Variants in FBXL3 observed in about 807,000 individuals in gnomAD.
The protein encoded by FBXL3 is F-box/LRR-repeat protein 3.
In FBXL3, 14 loss-of-function variants were observed where a neutral mutation model predicts 37.9. The observed-to-expected ratio is 0.37, with a 90% CI of 0.24 to 0.58. The LOEUF (loss-of-function observed/expected upper bound fraction) is 0.58. FBXL3 is among the 20% of genes least tolerant of loss of function. The pLI, the probability that FBXL3 is intolerant of heterozygous loss-of-function variation, is 0.74. For missense variants in FBXL3, 327 were observed against 511.1 expected (o/e 0.64, Z 3.47); for synonymous variants, 194 against 180.1 (o/e 1.08, Z -0.62).
At chr13:77,014,216 A>G (rs1016877012) in intron 4 of FBXL3, 2 of 152,214 alleles carry the variant, frequency 1.3e-5, no homozygotes, top group African/African-American at 4.8e-5. Context: ...AACCACAAAC[A>G]AAGGTAACAA....
chr13:77,006,885 T>C lies in FBXL3; in HGVS notation c.*260A>G. 1 of 1,270,584 alleles carries C rather than the reference T, an allele frequency of 7.9e-7. No individual in the cohort carries two copies. Among genetic ancestry groups the C allele is most frequent in the Non-Finnish European group, 9.9e-7 (1 of 1,006,342 alleles). 78.7% of individuals were successfully genotyped at this position (1,270,584 alleles called of 1,614,324 possible). A position where few individuals can be genotyped will look rare whatever the true frequency, so the allele number is the denominator to read the frequency against. On this transcript the variant is annotated 3_prime_UTR_variant, in exon 5 of 5. Transcript: ENST00000355619. ...TTCCTTTAGACTGTAAACTGTTTAATACGTATAACTGGTTATTTCACATCC... is the reference window on the plus strand; with the variant it reads ...TTCCTTTAGACTGTAAACTGTTTAACACGTATAACTGGTTATTTCACATCC...
At chr13:77,024,596 T>C (rs2034804933) in intron 1 of FBXL3, among the ~76,000 whole-genome samples, 2 of 152,196 alleles carry the variant, frequency 1.3e-5, no homozygotes, top group South Asian at 4.1e-4. Context: ...GTCCTAAAAA[T>C]AGAAACTTTC....
Position 77,022,407 on chromosome 13 carries a change from ACTC to A in FBXL3, c.-1-549_-1-547del, listed in dbSNP as rs1476959746. Among the ~76,000 whole-genome samples the A allele has an allele frequency of 5.3e-5, 8 of 151,848 alleles. No homozygotes were observed. The East Asian group carries it at 1.4e-3, about 26-fold the overall frequency. On this transcript the variant is annotated intron_variant, in intron 1 of 4. Coordinates refer to ENST00000355619, the MANE Select transcript of FBXL3 (RefSeq NM_012158.4). ...GAAGTGAGCAAGCTTTACAGTCTGA[ACTC>A]CTCCTCCTGTCAGATCAGCAGCTAC...
chr13:77,018,049 G>C (rs1003655488), intron 3 of FBXL3: 2 of 151,874 alleles, frequency 1.3e-5, no homozygotes, highest in Non-Finnish European at 2.9e-5. Flanking sequence ...AGAGAGACAC[G>C]ATCTCTGATT....
chr13:77,026,924 C>G lies in FBXL3; in HGVS notation c.-99G>C, dbSNP rs954082557. The G allele has an allele frequency of 2.0e-5, 3 of 151,658 alleles. No homozygotes were observed. Among genetic ancestry groups the G allele is most frequent in the Non-Finnish European group, 4.4e-5 (3 of 67,934 alleles). The allele number at this position is 151,658 out of a possible 1,614,324, so 9.4% of individuals were successfully genotyped here. A position where few individuals can be genotyped will look rare whatever the true frequency, so the allele number is the denominator to read the frequency against. The stretch of plus-strand genomic sequence containing the variant: ...CTCTCACATGAGGCGCCCCTGGCCC[C>G]CCGCTTCGCGCTCCCGCAGCCGCGG... On this transcript the variant is annotated 5_prime_UTR_variant, in exon 1 of 5. Transcript: ENST00000355619.
intron 1 of FBXL3, among the ~76,000 whole-genome samples, chr13:77,023,345 A>AGAGAGAGAGAGTGTGTGTGTGTGTGT (rs199568005): frequency 2.0e-5 from 3 of 147,600 alleles, no homozygotes; most frequent in South Asian, 4.3e-4. Context: ...AGAGAGAGAG[A>AGAGAGAGAGAGTGTGTGTGTGTGTGT]GTGTGTGTGT....
In FBXL3 at chr13:77,005,717, G is replaced by GTT. The variant is rs1491113299; in HGVS notation, c.*1426_*1427dup. 4 of 152,056 alleles carry GTT rather than the reference G, an allele frequency of 2.6e-5. No individual in the cohort carries two copies. The highest frequency in any genetic ancestry group is 5.9e-5 in the Non-Finnish European group (4 of 67,950). 9.4% of individuals were successfully genotyped at this position (152,056 alleles called of 1,614,324 possible). ...CCGTTTTAAAAGTAGATCTAAGACTGTTAGCTTCCTCAACCACTGAGACAC... is the reference window on the plus strand; with the variant it reads ...CCGTTTTAAAAGTAGATCTAAGACTGTTTTAGCTTCCTCAACCACTGAGACAC... On this transcript the variant is annotated 3_prime_UTR_variant, in exon 5 of 5. Transcript: ENST00000355619.
Position 77,015,439 on chromosome 13 carries a change from T to C in FBXL3, c.613A>G (p.Met205Val). 1 of 1,595,834 alleles carries C rather than the reference T, an allele frequency of 6.3e-7. No homozygotes were observed. The highest frequency in any genetic ancestry group is 8.5e-7 in the Non-Finnish European group (1 of 1,172,760). ...NNSDTLKLLK[M>V]SSCPHVSPAG... The stretch of plus-strand genomic sequence containing the variant: ...GGAGAGACATGAGGACAGCTGCTCA[T>C]TTTCAACAGCTTGAGTGTATCACTA... The change falls in exon 4 of 5, where the codon ATG becomes GTG. Residue 205 changes from methionine to valine, a missense_variant. Coordinates refer to ENST00000355619, the MANE Select transcript of FBXL3 (RefSeq NM_012158.4).
chr13:77,006,629 G>T lies in FBXL3; in HGVS notation c.*516C>A. 1 of 201,586 alleles carries T rather than the reference G, an allele frequency of 5.0e-6. No individual in the cohort carries two copies. Among genetic ancestry groups the T allele is most frequent in the Non-Finnish European group, 8.9e-6 (1 of 112,492 alleles). 12.5% of individuals were successfully genotyped at this position (201,586 alleles called of 1,614,324 possible). A position where few individuals can be genotyped will look rare whatever the true frequency, so the allele number is the denominator to read the frequency against. ...TTATATATACCTTTTTCTTTAAACAGCTTTGTAACATTTGAGAACATTCAT... is the reference window on the plus strand; with the variant it reads ...TTATATATACCTTTTTCTTTAAACATCTTTGTAACATTTGAGAACATTCAT... On this transcript the variant is annotated 3_prime_UTR_variant, in exon 5 of 5. Transcript: ENST00000355619.
intron 3 of FBXL3, chr13:77,017,569 A>G (rs2034666899): frequency 6.6e-6 from 1 of 152,200 alleles, no homozygotes; most frequent in African/African-American, 2.4e-5. Flanking sequence ...TTAGGAGGCT[A>G]TTCAGAAGAT....
At position 77,016,832 on chromosome 13, in the gene FBXL3, A is replaced by T. The variant is rs191318980; in HGVS notation, c.472-1252T>A. 27 of 152,124 alleles carry T rather than the reference A, an allele frequency of 1.8e-4. 1 individual carries two copies. The highest frequency in any genetic ancestry group is 6.5e-4 in the African/African-American group (27 of 41,502). The allele number at this position is 152,124 out of a possible 1,614,324, so 9.4% of individuals were successfully genotyped here. ...AGCTGTGAGCTACCACACCCAACCA[A>T]AACACTACCTTCTTGATCACAATTC... On this transcript the variant is annotated intron_variant, in intron 3 of 4. Transcript: ENST00000355619.
rs1345715047 is a variant in FBXL3 at position 77,006,078 on chromosome 13, T to G, written c.*1067A>C. 1 of 152,568 alleles carries G rather than the reference T, an allele frequency of 6.6e-6. No homozygotes were observed. Among genetic ancestry groups the G allele is most frequent in the East Asian group, 1.9e-4 (1 of 5,202 alleles). The allele number at this position is 152,568 out of a possible 1,614,324, so 9.5% of individuals were successfully genotyped here. A position where few individuals can be genotyped will look rare whatever the true frequency, so the allele number is the denominator to read the frequency against. ...TTTACTGAAAAATATGATTATGAAC[T>G]TAAATATGTCCTCTTTAAAATTTGC... is the stretch of plus-strand genomic sequence containing the variant. On this transcript the variant is annotated 3_prime_UTR_variant, in exon 5 of 5. Coordinates refer to ENST00000355619, the MANE Select transcript of FBXL3 (RefSeq NM_012158.4).
In FBXL3 at chr13:77,006,795, T is replaced by C. The variant is rs1447639755; in HGVS notation, c.*350A>G. 3.9e-6 allele frequency: 4 copies of C among 1,014,120 alleles called. No individual in the cohort carries two copies. The highest frequency in any genetic ancestry group is 2.4e-6 in the Non-Finnish European group (2 of 843,320). The allele number at this position is 1,014,120 out of a possible 1,614,324, so 62.8% of individuals were successfully genotyped here. The stretch of plus-strand genomic sequence containing the variant: ...AAGTTTACATTTTTTTTTAAATGCA[T>C]AGAGAATATAACATTTCAGAAAACC... On this transcript the variant is annotated 3_prime_UTR_variant, in exon 5 of 5. Transcript: ENST00000355619.
rs2034454512 is a variant in FBXL3 at position 77,006,553 on chromosome 13, T to C, written c.*592A>G. 1 of 154,328 alleles carries C rather than the reference T, an allele frequency of 6.5e-6. No homozygotes were observed. Among genetic ancestry groups the C allele is most frequent in the Non-Finnish European group, 1.4e-5 (1 of 69,618 alleles). 9.6% of individuals were successfully genotyped at this position (154,328 alleles called of 1,614,324 possible). Reference sequence around the variant, plus strand: ...TTTGATCTTGGCTCTGTATTATCCTTCTATAATACCACTGTGTGACATCTA... The same window carrying C: ...TTTGATCTTGGCTCTGTATTATCCTCCTATAATACCACTGTGTGACATCTA... On this transcript the variant is annotated 3_prime_UTR_variant, in exon 5 of 5. Transcript: ENST00000355619.
intron 2 of FBXL3, 68 bp downstream of exon 2, chr13:77,021,445 T>G: frequency 2.5e-6 from 3 of 1,181,938 alleles, no homozygotes; most frequent in Non-Finnish European, 3.5e-6. Flanking sequence ...CATGAGAAGA[T>G]GTACTGGTTT....
chr13:77,027,098 T>C lies in FBXL3; in HGVS notation c.-273A>G, dbSNP rs1265940676. 6.6e-6 allele frequency: 1 copy of C among 152,042 alleles called. No individual in the cohort carries two copies. The highest frequency in any genetic ancestry group is 2.0e-4 in the East Asian group (1 of 5,122). 9.4% of individuals were successfully genotyped at this position (152,042 alleles called of 1,614,324 possible). ...AGGGATCCCCGGCGCCGCGAGAGAC[T>C]ACCTCAGCGAGCGGCTGCCACCGCG... is the stretch of plus-strand genomic sequence containing the variant. On this transcript the variant is annotated 5_prime_UTR_variant, in exon 1 of 5. Coordinates refer to ENST00000355619, the MANE Select transcript of FBXL3 (RefSeq NM_012158.4).
In FBXL3 at chr13:77,017,437, T is replaced by C. The variant is rs530319022; in HGVS notation, c.471+1163A>G. 4 of 152,312 alleles carry C rather than the reference T, an allele frequency of 2.6e-5. No individual in the cohort carries two copies. In the East Asian group the frequency reaches 5.8e-4, roughly 22 times the overall value. 9.4% of individuals were successfully genotyped at this position (152,312 alleles called of 1,614,324 possible). ...GAAGCTTGAAGGTGGCGCTATACCA[T>C]GTAACTAGTATTTCTTAGCGTGAGT... On this transcript the variant is annotated intron_variant, in intron 3 of 4. Transcript: ENST00000355619.
Position 77,018,596 on chromosome 13 carries a change from A to C in FBXL3, c.471+4T>G. ...ATAGATAATAAAACAAAAACAGCAG[A>C]TACCTTTGGTAAATCCATAAAGCTT... On this transcript the variant is annotated splice_donor_region_variant and intron_variant, in intron 3 of 4. Transcript: ENST00000355619. 1 of 1,567,176 alleles carries C rather than the reference A, an allele frequency of 6.4e-7. No individual in the cohort carries two copies. Among genetic ancestry groups the C allele is most frequent in the African/African-American group, 1.4e-5 (1 of 72,760 alleles).
chr13:77,025,470 C>T (rs1413887666), intron 1 of FBXL3, among the ~76,000 whole-genome samples: 5 of 152,062 alleles, frequency 3.3e-5, no homozygotes, highest in Non-Finnish European at 1.5e-5. Context: ...CGCCTGTAAT[C>T]CCAGCACTTT....
Sources: allele counts gnomAD v4.1 joint callset (sites outside exome capture counted in the v4.1 genomes callset), GRCh38; gene constraint gnomAD v4.1.1; transcripts MANE v1.5; gene names NCBI Gene and HGNC (gene_info 2026-07-23, HGNC 2026-07-21).